CTNNAL1: variants seen among roughly 807,000 people sequenced by gnomAD.
The protein encoded by CTNNAL1 is catenin alpha like 1, also known as alpha-catulin.
CTNNAL1 carries 69 observed loss-of-function variants against 93.6 expected under a neutral mutation model. That is an observed-to-expected ratio of 0.74 (90% CI 0.61 to 0.90). The LOEUF is 0.90. Ranked by LOEUF, CTNNAL1 falls within the 40% of genes least tolerant of loss-of-function variation. The pLI is 0.00. For missense variants in CTNNAL1, 836 were observed against 862.0 expected (o/e 0.97, Z 0.38); for synonymous variants, 286 against 305.4 (o/e 0.94, Z 0.66).
Position 108,999,065 on chromosome 9 carries a change from AC to A in CTNNAL1, c.331+1del, listed in dbSNP as rs1564148664. On this transcript the variant is annotated splice_donor_variant, in intron 2 of 18. Coordinates refer to ENST00000325551, the MANE Select transcript of CTNNAL1 (RefSeq NM_003798.4). LOFTEE classifies it high-confidence loss of function. Reference sequence around the variant, plus strand: ...TAGTCTTCAAAATCAATATCCACCTACCTGCTTGTTTAGCTTCAATACAAGC... The same window carrying A: ...TAGTCTTCAAAATCAATATCCACCTACTGCTTGTTTAGCTTCAATACAAGC... 3 of 1,601,864 alleles carry A rather than the reference AC, an allele frequency of 1.9e-6. No individual in the cohort carries two copies. Among genetic ancestry groups the A allele is most frequent in the Non-Finnish European group, 2.6e-6 (3 of 1,175,108 alleles).
At chr9:108,964,784 T>A (rs1587956323) in intron 11 of CTNNAL1, among the ~76,000 whole-genome samples, 1 of 152,290 alleles carries the variant, frequency 6.6e-6, no homozygotes, top group East Asian at 1.9e-4. Flanking sequence ...TAAAAATGAC[T>A]ATTTCAATAG....
chr9:109,005,799 G>A (rs1374815908), intron 1 of CTNNAL1, among the ~76,000 whole-genome samples: 1 of 152,118 alleles, frequency 6.6e-6, no homozygotes, highest in Non-Finnish European at 1.5e-5. Context: ...CTGCAATTAA[G>A]CCAAAATATG....
intron 15 of CTNNAL1, among the ~76,000 whole-genome samples, chr9:108,944,773 A>G (rs2132076515): frequency 6.6e-6 from 1 of 152,306 alleles, no homozygotes. Flanking sequence ...AATGAAAATA[A>G]TAGGTCTTCA....
At chr9:108,964,209 G>A (rs1248120112) in intron 11 of CTNNAL1, among the ~76,000 whole-genome samples, 2 of 151,966 alleles carry the variant, frequency 1.3e-5, no homozygotes, top group African/African-American at 4.8e-5. Context: ...GTGGAAGCAT[G>A]GTAAACATTT....
intron 8 of CTNNAL1, among the ~76,000 whole-genome samples, chr9:108,976,433 T>C (rs1260024630): frequency 6.6e-6 from 1 of 152,250 alleles, no homozygotes; most frequent in African/African-American, 2.4e-5. Context: ...TAGTTTTTTA[T>C]TATTATGAAT....
At chr9:108,968,696 T>C (rs1339236437) in intron 10 of CTNNAL1, among the ~76,000 whole-genome samples, 1 of 152,172 alleles carries the variant, frequency 6.6e-6, no homozygotes, top group East Asian at 1.9e-4. Context: ...TTTGACACTG[T>C]TCTCTACAGG....
At chr9:108,972,985 G>A in intron 8 of CTNNAL1, 152 bp from the exon 9 acceptor site, 2 of 906,596 alleles carry the variant, frequency 2.2e-6, no homozygotes, top group Non-Finnish European at 3.2e-6. Flanking sequence ...AGTTCCATGG[G>A]TTCCACTGAG....
chr9:108,952,399 C>T (rs925577363), intron 13 of CTNNAL1, 36 bp from the exon 14 acceptor site: 4 of 1,614,152 alleles, frequency 2.5e-6, no homozygotes, highest in Non-Finnish European at 3.4e-6. Context: ...ACGACTTTAT[C>T]ACTATTCATG....
At chr9:108,947,392 C>T (rs547798989) in intron 15 of CTNNAL1, among the ~76,000 whole-genome samples, 3 of 152,096 alleles carry the variant, frequency 2.0e-5, no homozygotes, top group Non-Finnish European at 2.9e-5. Context: ...GGATTACAGG[C>T]GTGAGCCACC....
At chr9:108,982,358 A>G (rs1278200059) in intron 6 of CTNNAL1, among the ~76,000 whole-genome samples, 1 of 152,244 alleles carries the variant, frequency 6.6e-6, no homozygotes, top group Non-Finnish European at 1.5e-5. Context: ...TAAGGACTCA[A>G]TAACTGTTAG....
intron 3 of CTNNAL1, among the ~76,000 whole-genome samples, chr9:108,991,053 TG>T: frequency 6.6e-6 from 1 of 152,274 alleles, no homozygotes; most frequent in Middle Eastern, 3.4e-3. Context: ...TTTGTTTATA[TG>T]ATGAGATTTT....
chr9:108,984,010 T>C (rs1010966753), intron 5 of CTNNAL1, among the ~76,000 whole-genome samples: 1 of 152,226 alleles, frequency 6.6e-6, no homozygotes. Flanking sequence ...GATCTTAACT[T>C]GTCTAGCTTT....
chr9:108,973,584 C>T (rs942897512), intron 8 of CTNNAL1, among the ~76,000 whole-genome samples: 1 of 151,734 alleles, frequency 6.6e-6, no homozygotes. Flanking sequence ...TAACACGAAC[C>T]CCATGGTTTT....
intron 8 of CTNNAL1, among the ~76,000 whole-genome samples, chr9:108,973,869 G>A (rs1831188049): frequency 6.6e-6 from 1 of 151,934 alleles, no homozygotes; most frequent in African/African-American, 2.4e-5. Flanking sequence ...TTAACAATAG[G>A]ATACCCTCTG....
chr9:108,966,118 T>C (rs1273854406), intron 10 of CTNNAL1, among the ~76,000 whole-genome samples: 1 of 152,170 alleles, frequency 6.6e-6, no homozygotes, highest in Non-Finnish European at 1.5e-5. Flanking sequence ...AGCTCCGAGA[T>C]ACCCAGTAAC....
At chr9:108,958,526 G>A (rs1195587003) in intron 11 of CTNNAL1, among the ~76,000 whole-genome samples, 1 of 151,992 alleles carries the variant, frequency 6.6e-6, no homozygotes, top group Admixed American at 6.6e-5. Flanking sequence ...CGAATTTGAG[G>A]ATAATTGCAA....
chr9:109,002,062 A>T (rs1826849278), intron 1 of CTNNAL1, among the ~76,000 whole-genome samples: 1 of 152,198 alleles, frequency 6.6e-6, no homozygotes, highest in Admixed American at 6.5e-5. Context: ...CAAAAGCATG[A>T]TGACCTTTGA....
At chr9:108,970,536 T>C in intron 9 of CTNNAL1, 42 bp from the exon 10 acceptor site, 3 of 1,540,270 alleles carry the variant, frequency 1.9e-6, no homozygotes, top group Non-Finnish European at 2.6e-6. Flanking sequence ...CACATCCTCA[T>C]CCTCCACAAT....
chr9:108,943,620 G>A, intron 17 of CTNNAL1, 83 bp downstream of exon 17: 2 of 1,131,020 alleles, frequency 1.8e-6, no homozygotes, highest in Non-Finnish European at 2.5e-6. Flanking sequence ...CCCTTCTGTG[G>A]GTACTAACAG....
Sources: gnomAD v4.1 joint callset for allele counts (sites outside exome capture counted in the v4.1 genomes callset) on GRCh38, gnomAD v4.1.1 for gene constraint, MANE v1.5 for transcripts, NCBI Gene and HGNC (gene_info 2026-07-23, HGNC 2026-07-21) for gene names.